Variants in PTPRA observed in about 807,000 individuals in gnomAD.
PTPRA encodes the protein receptor-type tyrosine-protein phosphatase alpha.
Under a neutral mutation model 104.8 loss-of-function variants are expected in PTPRA, and 25 were observed. That is an observed-to-expected ratio of 0.24 (90% CI 0.17 to 0.33). The LOEUF is 0.33. PTPRA is among the 10% of genes least tolerant of loss of function. The pLI is 1.00. For missense variants in PTPRA, 765 were observed against 1,015.3 expected, an observed-to-expected ratio of 0.75 and a Z score of 3.35; for synonymous variants, 323 against 368.9, an observed-to-expected ratio of 0.88 and a Z score of 1.43.
chr20:2,900,204 C>A (rs1485241354), intron 1 of PTPRA, among the ~76,000 whole-genome samples: 1 of 151,818 alleles, frequency 6.6e-6, no homozygotes. Flanking sequence ...GTCACCCAGG[C>A]GGTAGCGCAG....
intron 13 of PTPRA, among the ~76,000 whole-genome samples, chr20:3,018,509 CAGCACATGTTTCAGAG>C (rs1238066701): frequency 6.6e-6 from 1 of 151,744 alleles, no homozygotes; most frequent in Non-Finnish European, 1.5e-5. Flanking sequence ...TGAGTGGATA[CAGCACATGTTTCAGAG>C]AGCACAGGGT....
intron 1 of PTPRA, among the ~76,000 whole-genome samples, chr20:2,884,089 C>G (rs1381542215): frequency 2.0e-5 from 3 of 152,108 alleles, no homozygotes; most frequent in Non-Finnish European, 2.9e-5. Context: ...CTTCTTATGG[C>G]TGAATAATAA....
At chr20:2,874,607 G>A (rs539964735) in intron 1 of PTPRA, among the ~76,000 whole-genome samples, 1 of 152,306 alleles carries the variant, frequency 6.6e-6, no homozygotes, top group South Asian at 2.1e-4. Flanking sequence ...CCTGCTAGCT[G>A]TGCAGGCAGC....
intron 13 of PTPRA, among the ~76,000 whole-genome samples, chr20:3,018,875 C>G (rs2064634800): frequency 8.9e-6 from 1 of 111,952 alleles, no homozygotes; most frequent in Non-Finnish European, 1.8e-5. Context: ...ACCTCCCTCC[C>G]GGACGGGGTG....
intron 11 of PTPRA, among the ~76,000 whole-genome samples, chr20:3,012,906 C>T (rs370013451): frequency 1.3e-5 from 2 of 152,242 alleles, no homozygotes; most frequent in African/African-American, 4.8e-5. Context: ...CCATAAATGT[C>T]TTAGAACATT....
chr20:2,924,426 A>G (rs1378480710), intron 2 of PTPRA, among the ~76,000 whole-genome samples: 1 of 152,180 alleles, frequency 6.6e-6, no homozygotes, highest in Non-Finnish European at 1.5e-5. Context: ...AAAAATTGAC[A>G]TACACTATTG....
rs2065015669 is a variant in PTPRA, at chr20:3,024,054, T to A, written c.1465-418T>A. On this transcript the variant is annotated intron_variant, in intron 16 of 23. Transcript: ENST00000399903. Reference sequence around the variant, plus strand: ...AAAGAGCCAGTGCCCAGAGACATGATGAAGCTCGGCCACATCTGGGAGCAG... The same window carrying A: ...AAAGAGCCAGTGCCCAGAGACATGAAGAAGCTCGGCCACATCTGGGAGCAG... Among the ~76,000 whole-genome samples the A allele has an allele frequency of 2.6e-5, 4 of 152,300 alleles. 1 individual carries two copies. In the South Asian group the frequency reaches 8.3e-4, roughly 32 times the overall value.
At chr20:3,010,458 C>T (rs1477635477) in intron 11 of PTPRA, among the ~76,000 whole-genome samples, 2 of 151,866 alleles carry the variant, frequency 1.3e-5, no homozygotes, top group African/African-American at 2.4e-5. Flanking sequence ...GAAACCCCGT[C>T]TCTACTAAAA....
At chr20:2,869,567 C>A (rs1163617163), upstream of PTPRA, among the ~76,000 whole-genome samples, 1 of 152,190 alleles carries the variant, frequency 6.6e-6, no homozygotes, top group Non-Finnish European at 1.5e-5. Flanking sequence ...CAAGTTTCGT[C>A]CAATGTATGA....
At chr20:2,922,674 G>C (rs903988196) in intron 1 of PTPRA, among the ~76,000 whole-genome samples, 4 of 149,838 alleles carry the variant, frequency 2.7e-5, no homozygotes, top group African/African-American at 9.9e-5. Context: ...GTCTGACTTT[G>C]TCGCCTGAGC....
chr20:2,986,595 T>C (rs2062921531), intron 6 of PTPRA, among the ~76,000 whole-genome samples, 170 bp from the exon 7 acceptor site: 1 of 152,196 alleles, frequency 6.6e-6, no homozygotes, highest in Non-Finnish European at 1.5e-5. Context: ...TCAATAGCCC[T>C]GGCATGGCAG....
chr20:2,970,805 CGTGTGT>C (rs10616041), intron 5 of PTPRA, among the ~76,000 whole-genome samples: 1 of 149,612 alleles, frequency 6.7e-6, no homozygotes, highest in African/African-American at 2.4e-5. Context: ...TCTATGGTTT[CGTGTGT>C]GTGTGTGTGT....
chr20:2,967,745 C>A lies in PTPRA; in HGVS notation c.415+2543C>A, dbSNP rs548543312. Among the ~76,000 whole-genome samples the A allele has an allele frequency of 4.6e-5, 7 of 152,196 alleles. No homozygotes were observed. The South Asian group carries it at 6.2e-4, about 14-fold the overall frequency. On this transcript the variant is annotated intron_variant, in intron 5 of 23. Transcript: ENST00000399903. ...GCATGGGTGCATGTGCTTGTAGTCC[C>A]AGCTACTCAGGAGCCTGAGGTGGGA...
intron 14 of PTPRA, 135 bp downstream of exon 14, chr20:3,021,563 G>T (rs1438321431): frequency 8.6e-6 from 11 of 1,275,224 alleles, no homozygotes; most frequent in South Asian, 1.5e-5. Flanking sequence ...AGATATCCGG[G>T]CTCAGGGGAA....
chr20:2,951,076 G>A (rs2061336861), intron 3 of PTPRA, among the ~76,000 whole-genome samples: 1 of 151,492 alleles, frequency 6.6e-6, no homozygotes, highest in Non-Finnish European at 1.5e-5. Flanking sequence ...TTAACCATGT[G>A]TTTGTTTGTT....
At chr20:2,929,946 A>G (rs1261924800) in intron 2 of PTPRA, among the ~76,000 whole-genome samples, 3 of 152,206 alleles carry the variant, frequency 2.0e-5, no homozygotes, top group East Asian at 1.9e-4. Flanking sequence ...ATCAGAAACA[A>G]ATACACAGAG....
chr20:2,983,998 G>A (rs1382263602), intron 6 of PTPRA, among the ~76,000 whole-genome samples: 1 of 151,820 alleles, frequency 6.6e-6, no homozygotes, highest in East Asian at 1.9e-4. Context: ...AACAGATAGT[G>A]AGGGAAACTG....
At chr20:2,978,086 T>G (rs1205928388) in intron 6 of PTPRA, among the ~76,000 whole-genome samples, 1 of 152,004 alleles carries the variant, frequency 6.6e-6, no homozygotes, top group African/African-American at 2.4e-5. Context: ...TTGACATGTG[T>G]GAGGTGTGGG....
intron 2 of PTPRA, 107 bp from the exon 3 acceptor site, chr20:2,947,875 T>C (rs2061196448): frequency 2.2e-6 from 1 of 453,986 alleles, no homozygotes; most frequent in East Asian, 7.3e-5. Context: ...TAAAGTTACT[T>C]ATATATAAAA....
Sources: allele counts gnomAD v4.1 joint callset (sites outside exome capture counted in the v4.1 genomes callset), GRCh38; gene constraint gnomAD v4.1.1; transcripts MANE v1.5; gene names NCBI Gene and HGNC (gene_info 2026-07-23, HGNC 2026-07-21).